The following TNS3 variants were observed in gnomAD, a reference collection of about 807,000 sequenced individuals.
The protein encoded by TNS3 is tensin-3.
Under a neutral mutation model 140.9 loss-of-function variants are expected in TNS3, and 45 were observed. That is an observed-to-expected ratio of 0.32 (90% confidence interval 0.25 to 0.41). TNS3 has a LOEUF of 0.41. Ranked by LOEUF, TNS3 falls within the 10% of genes least tolerant of loss-of-function variation. The probability of loss-of-function intolerance (pLI) is 1.00; values close to 1 mark genes in which losing one functional copy is unlikely to be tolerated. For synonymous variants in TNS3, 815 were observed against 788.4 expected (o/e 1.03, Z -0.56); for missense variants, 1,716 against 1,906.7 (o/e 0.90, Z 1.86).
chr7:47,564,184 ACT>A (rs367587568), intron 1 of TNS3, among the ~76,000 whole-genome samples: 67 of 111,370 alleles, frequency 6.0e-4, no homozygotes, highest in African/African-American at 2.4e-3. Context: ...ACAGAGCGAG[ACT>A]CTGTCTCAAA....
chr7:47,497,540 C>G (rs1476776054), intron 3 of TNS3, among the ~76,000 whole-genome samples: 3 of 151,978 alleles, frequency 2.0e-5, no homozygotes, highest in Admixed American at 1.3e-4. Context: ...TATGAGTCCT[C>G]AAAGTTTCAG....
intron 12 of TNS3, among the ~76,000 whole-genome samples, chr7:47,412,321 T>A (rs1793820238): frequency 6.6e-6 from 1 of 152,216 alleles, no homozygotes; most frequent in South Asian, 2.1e-4. Context: ...TGGCTACGTA[T>A]TGTTTAAAAT....
At chr7:47,463,747 G>T (rs1236105500) in intron 4 of TNS3, among the ~76,000 whole-genome samples, 2 of 152,118 alleles carry the variant, frequency 1.3e-5, no homozygotes, top group Admixed American at 1.3e-4. Flanking sequence ...GAACATGCAG[G>T]TGGGCAACCC....
chr7:47,332,280 G>C (rs898011923), intron 20 of TNS3, among the ~76,000 whole-genome samples: 1 of 152,230 alleles, frequency 6.6e-6, no homozygotes, highest in Admixed American at 6.5e-5. Flanking sequence ...GAGGGCCTTC[G>C]GAGGAAAGTA....
intron 20 of TNS3, among the ~76,000 whole-genome samples, chr7:47,333,756 C>T (rs1788469379): frequency 6.6e-6 from 1 of 152,150 alleles, no homozygotes; most frequent in Non-Finnish European, 1.5e-5. Context: ...TCCTCTTGTC[C>T]TCTTCTCACG....
intron 1 of TNS3, among the ~76,000 whole-genome samples, chr7:47,533,087 CA>C (rs1584823793): frequency 9.3e-6 from 1 of 107,502 alleles, no homozygotes; most frequent in East Asian, 2.9e-4. Flanking sequence ...TATAAGTCAA[CA>C]AAAGTTGTCA....
chr7:47,463,575 C>A (rs1164333354), intron 4 of TNS3, among the ~76,000 whole-genome samples: 2 of 152,210 alleles, frequency 1.3e-5, no homozygotes, highest in Non-Finnish European at 2.9e-5. Context: ...CTTAGGGACA[C>A]TGGACATCAC....
At position 47,502,171 on chromosome 7, in the gene TNS3, G is replaced by A. The variant is rs552175452; in HGVS notation, c.-115+4736C>T. On this transcript the variant is annotated intron_variant, in intron 3 of 30. Coordinates refer to ENST00000311160, the MANE Select transcript of TNS3 (RefSeq NM_022748.12). The stretch of plus-strand genomic sequence containing the variant: ...CCAGAAGCTAGGTGACAATAGGTAA[G>A]TTGTTTCACCTCCCTGGGGTCTCGA... Among the ~76,000 whole-genome samples the A allele has an allele frequency of 1.3e-4, 20 of 152,298 alleles. No individual in the cohort carries two copies. The South Asian group carries it at 3.3e-3, about 25-fold the overall frequency.
chr7:47,291,189 G>A (rs1003517998), intron 27 of TNS3, among the ~76,000 whole-genome samples: 1 of 152,092 alleles, frequency 6.6e-6, no homozygotes. Context: ...GAGGGAGAAC[G>A]AACAGAAAAG....
intron 1 of TNS3, among the ~76,000 whole-genome samples, chr7:47,552,517 T>C (rs1800091057): frequency 6.6e-6 from 1 of 152,212 alleles, no homozygotes; most frequent in Non-Finnish European, 1.5e-5. Flanking sequence ...TTTTGGAAGC[T>C]CTCACCATAT....
chr7:47,413,251 C>CTT (rs71003398), intron 12 of TNS3, among the ~76,000 whole-genome samples: 5,713 of 52,998 alleles, frequency 0.11, 866 homozygotes, highest in Non-Finnish European at 0.13. Context: ...CAAGCCTGGC[C>CTT]TTTTTTTTTT....
chr7:47,347,909 T>G (rs1789441750), intron 17 of TNS3, among the ~76,000 whole-genome samples: 1 of 152,016 alleles, frequency 6.6e-6, no homozygotes, highest in East Asian at 1.9e-4. Flanking sequence ...GGGGGAGGAT[T>G]AAATGAAATG....
intron 2 of TNS3, among the ~76,000 whole-genome samples, chr7:47,519,964 C>T (rs1044911893): frequency 2.6e-5 from 4 of 151,754 alleles, no homozygotes; most frequent in Non-Finnish European, 5.9e-5. Flanking sequence ...GCTGGGACTA[C>T]AGGCGCCCGC....
chr7:47,444,536 T>A (rs1795628374), intron 4 of TNS3, among the ~76,000 whole-genome samples: 1 of 151,574 alleles, frequency 6.6e-6, no homozygotes, highest in Non-Finnish European at 1.5e-5. Context: ...GGGGTAGGAG[T>A]GTCACCGTCC....
At chr7:47,578,720 A>G (rs1208573297) in intron 1 of TNS3, among the ~76,000 whole-genome samples, 1 of 152,228 alleles carries the variant, frequency 6.6e-6, no homozygotes, top group Non-Finnish European at 1.5e-5. Flanking sequence ...TACCAAACAC[A>G]TTCCTGAGTC....
chr7:47,490,909 G>A (rs1414505439), intron 3 of TNS3, among the ~76,000 whole-genome samples: 1 of 152,212 alleles, frequency 6.6e-6, no homozygotes, highest in African/African-American at 2.4e-5. Flanking sequence ...GCCCAGACGA[G>A]TGTGTTGGGC....
At chr7:47,347,464 C>G (rs565390419) in intron 17 of TNS3, among the ~76,000 whole-genome samples, 1 of 152,186 alleles carries the variant, frequency 6.6e-6, no homozygotes, top group South Asian at 2.1e-4. Context: ...ACCCACCATG[C>G]CTGCCTGAGA....
Position 47,275,824 on chromosome 7 carries a change from G to T in TNS3, c.*2252C>A, listed in dbSNP as rs889803035. 4.4e-6 allele frequency: 2 copies of T among 456,026 alleles called. No homozygotes were observed. The highest frequency in any genetic ancestry group is 4.7e-5 in the Admixed American group (2 of 42,564). The allele number at this position is 456,026 out of a possible 1,614,324, so 28.2% of individuals were successfully genotyped here. Reference sequence around the variant, plus strand: ...TGAGTTCAAAAAGCACGTTTGCAGGGCTTCCTGAATGCCGTCGAGGCATGG... The same window carrying T: ...TGAGTTCAAAAAGCACGTTTGCAGGTCTTCCTGAATGCCGTCGAGGCATGG... On this transcript the variant is annotated 3_prime_UTR_variant, in exon 31 of 31. Transcript: ENST00000311160.
intron 13 of TNS3, 109 bp from the exon 14 acceptor site, chr7:47,401,023 T>C: frequency 1.3e-6 from 2 of 1,492,246 alleles, no homozygotes; most frequent in African/African-American, 1.4e-5. Context: ...CCCTCTGGAC[T>C]CTGGCTGGGA....
Sources: gnomAD v4.1 joint callset for allele counts (sites outside exome capture counted in the v4.1 genomes callset) on GRCh38, gnomAD v4.1.1 for gene constraint, MANE v1.5 for transcripts, NCBI Gene and HGNC (gene_info 2026-07-23, HGNC 2026-07-21) for gene names.